Variants in MAF observed in about 807,000 individuals in gnomAD.
The protein encoded by MAF is MAF bZIP transcription factor, also known as transcription factor Maf.
MAF carries 10 observed loss-of-function variants against 22.0 expected under a neutral mutation model. The ratio of observed to expected loss-of-function variants is 0.45; its 90% CI spans 0.28 to 0.77. The LOEUF (loss-of-function observed/expected upper bound fraction) is 0.77. Among genes scored for constraint, MAF ranks in the 30% least tolerant of loss-of-function variants. The pLI is 0.12. For synonymous variants in MAF, 337 were observed against 255.8 expected (o/e 1.32, Z -3.03); for missense variants, 544 against 548.4 (o/e 0.99, Z 0.08).
the MAF span, among the ~76,000 whole-genome samples, chr16:79,343,515 A>G: frequency 6.6e-6 from 1 of 152,154 alleles, no homozygotes; most frequent in African/African-American, 2.4e-5. Flanking sequence ...ATAATCGTAA[A>G]TGGAAACTTT....
At chr16:79,222,848 G>T in the MAF span, among the ~76,000 whole-genome samples, 1 of 152,088 alleles carries the variant, frequency 6.6e-6, no homozygotes, top group African/African-American at 2.4e-5. Context: ...ACCCAATACC[G>T]GAGCACCCAA....
the MAF span, among the ~76,000 whole-genome samples, chr16:79,393,668 G>C: frequency 6.6e-6 from 1 of 152,240 alleles, no homozygotes; most frequent in East Asian, 1.9e-4. Context: ...CAGAAAGGTG[G>C]TCCATGCAGA....
the MAF span, among the ~76,000 whole-genome samples, chr16:79,374,675 G>A: frequency 3.1e-3 from 465 of 152,310 alleles, 4 homozygotes; most frequent in African/African-American, 0.011. Context: ...GCGTAATCAA[G>A]GACAGAATTC....
the MAF span, among the ~76,000 whole-genome samples, chr16:79,417,304 A>G: frequency 6.6e-6 from 1 of 152,196 alleles, no homozygotes; most frequent in Non-Finnish European, 1.5e-5. Context: ...AAACAATCAG[A>G]TATCACTTGG....
chr16:79,432,354 T>A, the MAF span, among the ~76,000 whole-genome samples: 22 of 152,204 alleles, frequency 1.4e-4, no homozygotes, highest in Non-Finnish European at 1.6e-4. Flanking sequence ...CTTATAGCAA[T>A]GTGAGAATGT....
At chr16:79,499,977 G>C in the MAF span, among the ~76,000 whole-genome samples, 1 of 152,158 alleles carries the variant, frequency 6.6e-6, no homozygotes, top group Non-Finnish European at 1.5e-5. Context: ...GAGGCAGAGG[G>C]AGTTTAAGGG....
the MAF span, among the ~76,000 whole-genome samples, chr16:79,301,316 T>A: frequency 0.026 from 3,956 of 152,212 alleles, 167 homozygotes; most frequent in African/African-American, 0.09. Flanking sequence ...TCCTGGACAC[T>A]AATATCCACT....
At chr16:79,375,604 G>T in the MAF span, among the ~76,000 whole-genome samples, 1 of 152,194 alleles carries the variant, frequency 6.6e-6, no homozygotes, top group Non-Finnish European at 1.5e-5. Flanking sequence ...TGATGGTAAT[G>T]ATGATGATGA....
At chr16:79,361,925 A>G in the MAF span, among the ~76,000 whole-genome samples, 2 of 152,206 alleles carry the variant, frequency 1.3e-5, no homozygotes, top group Non-Finnish European at 2.9e-5. Context: ...CTGGGTGGCA[A>G]GCATTTGACT....
At chr16:79,377,240 A>T in the MAF span, among the ~76,000 whole-genome samples, 1 of 152,058 alleles carries the variant, frequency 6.6e-6, no homozygotes, top group Non-Finnish European at 1.5e-5. Context: ...ATGGTATCTC[A>T]TTGTGGTTTT....
At chr16:79,391,227 C>T in the MAF span, among the ~76,000 whole-genome samples, 4,743 of 152,228 alleles carry the variant, frequency 0.031, 251 homozygotes, top group African/African-American at 0.11. Context: ...GTTCCCTCAT[C>T]TATACAATGG....
At chr16:79,522,233 C>T in the MAF span, among the ~76,000 whole-genome samples, 5 of 152,234 alleles carry the variant, frequency 3.3e-5, no homozygotes, top group Non-Finnish European at 7.3e-5. Context: ...TGTTCCAGTG[C>T]TGTTTGATCT....
chr16:79,434,071 A>G, the MAF span, among the ~76,000 whole-genome samples: 1 of 152,218 alleles, frequency 6.6e-6, no homozygotes, highest in Non-Finnish European at 1.5e-5. Flanking sequence ...GGTGAAGACT[A>G]GAGTCAAATA....
the MAF span, among the ~76,000 whole-genome samples, chr16:79,354,324 G>C: frequency 2.0e-5 from 3 of 152,076 alleles, no homozygotes; most frequent in Non-Finnish European, 4.4e-5. Flanking sequence ...GGAAGGTCAG[G>C]GATGCAACAG....
At chr16:79,400,602 G>A in the MAF span, among the ~76,000 whole-genome samples, 4 of 152,214 alleles carry the variant, frequency 2.6e-5, no homozygotes, top group Admixed American at 2.6e-4. Flanking sequence ...CCCTTCACGG[G>A]TTTCCCAGGA....
the MAF span, among the ~76,000 whole-genome samples, chr16:79,456,536 T>C: frequency 6.6e-6 from 1 of 152,150 alleles, no homozygotes; most frequent in African/African-American, 2.4e-5. Flanking sequence ...TGAATGAGCA[T>C]AGATTACTCC....
At chr16:79,256,009 A>T in the MAF span, among the ~76,000 whole-genome samples, 1 of 124,896 alleles carries the variant, frequency 8.0e-6, no homozygotes, top group African/African-American at 3.3e-5. Flanking sequence ...GTGAGATGGA[A>T]TCTTGCTGTA....
chr16:79,547,580 A>T, the MAF span, among the ~76,000 whole-genome samples: 2 of 152,290 alleles, frequency 1.3e-5, no homozygotes, highest in African/African-American at 4.8e-5. Context: ...AAGCAATTGC[A>T]ATATCCTATC....
chr16:79,340,440 T>C, the MAF span, among the ~76,000 whole-genome samples: 1 of 150,894 alleles, frequency 6.6e-6, no homozygotes, highest in Non-Finnish European at 1.5e-5. Flanking sequence ...GTATTCCCAG[T>C]GCCTGGCACT....
Sources: allele counts gnomAD v4.1 joint callset (sites outside exome capture counted in the v4.1 genomes callset), GRCh38; gene constraint gnomAD v4.1.1; transcripts MANE v1.5; gene names NCBI Gene and HGNC (gene_info 2026-07-23, HGNC 2026-07-21).